Variants in PADI4 observed in about 807,000 individuals in gnomAD.
The protein encoded by PADI4 is peptidyl arginine deiminase 4.
A neutral mutation model predicts 75.0 loss-of-function variants in PADI4; 62 were observed. That is an observed-to-expected ratio of 0.83 (90% CI 0.67 to 1.02). The LOEUF (loss-of-function observed/expected upper bound fraction) is 1.02, where lower values mean the gene tolerates loss of function less well. PADI4 is among the 50% of genes least tolerant of loss of function. The pLI, the probability that PADI4 is intolerant of heterozygous loss-of-function variation, is 0.00. For missense variants in PADI4, 845 were observed against 850.5 expected, an observed-to-expected ratio of 0.99 and a Z score of 0.08; for synonymous variants, 361 against 348.1, an observed-to-expected ratio of 1.04 and a Z score of -0.41.
At chr1:17,339,910 T>C (rs1036491195) in intron 6 of PADI4, 97 bp downstream of exon 6, 1 of 1,347,246 alleles carries the variant, frequency 7.4e-7, no homozygotes, top group Middle Eastern at 1.9e-4. Context: ...GCACCTACTA[T>C]GTGCCAAGTT....
chr1:17,362,310 A>C (rs1202592572), intron 15 of PADI4, among the ~76,000 whole-genome samples: 1 of 147,312 alleles, frequency 6.8e-6, no homozygotes, highest in Non-Finnish European at 1.5e-5. Context: ...CTGAGATGGC[A>C]CCACTGAACT....
intron 3 of PADI4, 130 bp downstream of exon 3, chr1:17,334,139 C>T (rs1167647694): frequency 1.4e-5 from 9 of 656,138 alleles, no homozygotes; most frequent in Admixed American, 2.6e-5. Context: ...AGCATGGTTT[C>T]TAGCCAGTCA....
Position 17,333,844 on chromosome 1 carries a change from T to C in PADI4, c.274-99T>C, listed in dbSNP as rs530787063. 3.5e-6 allele frequency: 3 copies of C among 851,570 alleles called. No homozygotes were observed. The South Asian group carries it at 4.3e-5, about 12-fold the overall frequency. 52.8% of individuals were successfully genotyped at this position (851,570 alleles called of 1,614,324 possible). ...TAGGACCAGTTCTTGCCCAACTTTG[T>C]CTCCCCAGTGCCCTACCCTGAGCCG... On this transcript the variant is annotated intron_variant, in intron 2 of 15. Coordinates refer to ENST00000375448, the MANE Select transcript of PADI4 (RefSeq NM_012387.3).
chr1:17,329,007 T>TTATTAAGATATCTTAATATAATAAATTA (rs1208124092), intron 1 of PADI4, among the ~76,000 whole-genome samples: 2 of 146,878 alleles, frequency 1.4e-5, no homozygotes, highest in Non-Finnish European at 3.0e-5. Context: ...ATTATGATAT[T>TTATTAAGATATCTTAATATAATAAATTA]TATTAAGATA....
intron 5 of PADI4, among the ~76,000 whole-genome samples, chr1:17,339,295 GA>G (rs1267937513): frequency 3.9e-5 from 6 of 152,178 alleles, no homozygotes; most frequent in Non-Finnish European, 7.3e-5. Context: ...GACCAGCACA[GA>G]AACCTTTCAC....
intron 1 of PADI4, among the ~76,000 whole-genome samples, chr1:17,324,104 T>A (rs2074078696): frequency 6.6e-6 from 1 of 151,434 alleles, no homozygotes; most frequent in Non-Finnish European, 1.5e-5. Flanking sequence ...TGCCTAGAAG[T>A]CAAATTGCTG....
chr1:17,311,899 G>T (rs571034961), intron 1 of PADI4, among the ~76,000 whole-genome samples: 1 of 152,162 alleles, frequency 6.6e-6, no homozygotes, highest in South Asian at 2.1e-4. Context: ...TCTGAGCCTC[G>T]GTTTACCCAT....
rs1177986531 is a variant in PADI4 at position 17,345,672 on chromosome 1, T to C, written c.936-356T>C. On this transcript the variant is annotated intron_variant, in intron 8 of 15. Transcript: ENST00000375448. ...TTCTCCTTTTTCTTCTTCCTCATTTTCTCTTGCCACCGCCATGTAAGAAGT... is the reference window on the plus strand; with the variant it reads ...TTCTCCTTTTTCTTCTTCCTCATTTCCTCTTGCCACCGCCATGTAAGAAGT... Among the ~76,000 whole-genome samples the C allele has an allele frequency of 3.9e-5, 6 of 152,312 alleles. No homozygotes were observed. In the East Asian group the frequency reaches 1.2e-3, roughly 29 times the overall value.
At chr1:17,353,842 A>G (rs2074712088) in intron 10 of PADI4, among the ~76,000 whole-genome samples, 1 of 152,172 alleles carries the variant, frequency 6.6e-6, no homozygotes, top group African/African-American at 2.4e-5. Flanking sequence ...ACACGGAAAT[A>G]TAATAGATTC....
rs189396459 is a variant in PADI4, at chr1:17,359,904, G to A, written c.1758+496G>A. 4.6e-4 allele frequency among the ~76,000 whole-genome samples: 70 copies of A among 152,338 alleles called. 1 individual carries two copies. The highest frequency in any genetic ancestry group is 1.6e-3 in the African/African-American group (65 of 41,580). On this transcript the variant is annotated intron_variant, in intron 15 of 15. Transcript: ENST00000375448. ...TGGGCTGATCTAAATGGACATCAAC[G>A]TCTTGCAAGGAAGAGTGTAATTTTG...
At chr1:17,315,775 C>T (rs376089674) in intron 1 of PADI4, among the ~76,000 whole-genome samples, 12 of 152,118 alleles carry the variant, frequency 7.9e-5, no homozygotes, top group African/African-American at 2.9e-4. Flanking sequence ...CTCATACCTT[C>T]CCTTGTAGCC....
chr1:17,351,629 A>AG (rs2074625534), intron 10 of PADI4, among the ~76,000 whole-genome samples: 1 of 149,364 alleles, frequency 6.7e-6, no homozygotes, highest in Admixed American at 6.7e-5. Flanking sequence ...AAAAAAAAAA[A>AG]AAAGATTGCG....
chr1:17,360,238 C>G (rs2074830000), intron 15 of PADI4, among the ~76,000 whole-genome samples: 1 of 151,346 alleles, frequency 6.6e-6, no homozygotes, highest in Non-Finnish European at 1.5e-5. Flanking sequence ...TTGCAGTGAG[C>G]CAAGATCATG....
chr1:17,342,827 T>C (rs2074447454), intron 8 of PADI4, among the ~76,000 whole-genome samples: 1 of 151,932 alleles, frequency 6.6e-6, no homozygotes, highest in Non-Finnish European at 1.5e-5. Flanking sequence ...AATACAAAAA[T>C]TGGCCGGGCG....
intron 8 of PADI4, among the ~76,000 whole-genome samples, chr1:17,343,792 A>G (rs533274229): frequency 8.5e-5 from 13 of 152,134 alleles, no homozygotes; most frequent in Non-Finnish European, 1.9e-4. Flanking sequence ...GCCTCCCACC[A>G]TGGTGTCCCC....
chr1:17,330,216 G>T (rs750006584), intron 1 of PADI4, among the ~76,000 whole-genome samples: 1 of 152,254 alleles, frequency 6.6e-6, no homozygotes, highest in South Asian at 2.1e-4. Flanking sequence ...CAGGTCAGGG[G>T]ATTCGCTTTC....
intron 14 of PADI4, 63 bp from the exon 15 acceptor site, chr1:17,359,217 T>TGCCCCCCCCC: frequency 2.2e-4 from 141 of 647,546 alleles, no homozygotes; most frequent in Middle Eastern, 4.6e-4. Flanking sequence ...CCCCACACTG[T>TGCCCCCCCCC]CCCCCACCCC....
rs2074816042 is a variant in PADI4 at position 17,359,345 on chromosome 1, T to C, written c.1695T>C (p.Ile565=). The C allele has an allele frequency of 6.2e-7, 1 of 1,613,100 alleles. No homozygotes were observed. Among genetic ancestry groups the C allele is most frequent in the Admixed American group, 1.7e-5 (1 of 59,922 alleles). Residue 565 remains isoleucine (I), a synonymous_variant, in exon 15 of 16, where the codon ATT becomes ATC. Transcript: ENST00000375448. ...RELGLAESDI[I]DIPQLFKLKE... ...TGGGCCTGGCCGAGAGTGACATCAT[T>C]GACATCCCGCAGCTCTTCAAGCTCA...
chr1:17,319,184 T>C (rs1439684469), intron 1 of PADI4, among the ~76,000 whole-genome samples: 4 of 152,188 alleles, frequency 2.6e-5, no homozygotes, highest in African/African-American at 9.7e-5. Flanking sequence ...ATGCTGATTT[T>C]GGTTCAAGTG....
Sources: allele counts gnomAD v4.1 joint callset (sites outside exome capture counted in the v4.1 genomes callset), GRCh38; gene constraint gnomAD v4.1.1; transcripts MANE v1.5; gene names NCBI Gene and HGNC (gene_info 2026-07-23, HGNC 2026-07-21).